Variants in COX16 observed in about 807,000 individuals in gnomAD.
The protein encoded by COX16 is cytochrome c oxidase assembly protein COX16 homolog, mitochondrial.
COX16 carries 12 observed loss-of-function variants against 15.4 expected under a neutral mutation model. The ratio of observed to expected loss-of-function variants is 0.78; its 90% CI spans 0.50 to 1.26. The LOEUF is 1.26. Ranked by LOEUF, COX16 falls within the 50% of genes most tolerant of loss-of-function variation. The probability of loss-of-function intolerance (pLI) is 0.00; values close to 1 mark genes in which losing one functional copy is unlikely to be tolerated. For synonymous variants in COX16, 46 were observed against 41.1 expected, an observed-to-expected ratio of 1.12 and a Z score of -0.46; for missense variants, 124 against 127.6, an observed-to-expected ratio of 0.97 and a Z score of 0.14.
chr14:70,327,397 G>A (rs1176404221), intron 3 of COX16, among the ~76,000 whole-genome samples: 3 of 152,082 alleles, frequency 2.0e-5, no homozygotes, highest in South Asian at 4.1e-4. Flanking sequence ...AGAAGAACTA[G>A]AAGGAAAATC....
chr14:70,337,986 CTGAT>C (rs1470204300), intron 2 of COX16, among the ~76,000 whole-genome samples: 13 of 152,188 alleles, frequency 8.5e-5, no homozygotes, highest in Admixed American at 7.2e-4. Flanking sequence ...TAACACACAT[CTGAT>C]TGGTATCCCA....
intron 2 of COX16, among the ~76,000 whole-genome samples, chr14:70,341,447 A>G (rs1337417692): frequency 6.6e-6 from 1 of 152,218 alleles, no homozygotes; most frequent in Non-Finnish European, 1.5e-5. Context: ...TACTTGAGAA[A>G]AAAACTACAA....
chr14:70,330,819 CTA>C (rs1455167324), intron 2 of COX16, among the ~76,000 whole-genome samples: 1 of 152,040 alleles, frequency 6.6e-6, no homozygotes, highest in Admixed American at 6.5e-5. Context: ...AATTTCTTAT[CTA>C]TTAAGAGAAT....
At chr14:70,349,964 C>T (rs1383485331) in intron 1 of COX16, among the ~76,000 whole-genome samples, 4 of 152,130 alleles carry the variant, frequency 2.6e-5, no homozygotes, top group Admixed American at 2.0e-4. Context: ...GACACCAGCC[C>T]GTCTCTCAAG....
chr14:70,349,745 G>A (rs964557654), intron 1 of COX16, among the ~76,000 whole-genome samples: 1 of 152,134 alleles, frequency 6.6e-6, no homozygotes, highest in Non-Finnish European at 1.5e-5. Flanking sequence ...CTGAACTTTT[G>A]TCTTGGGGCC....
chr14:70,339,826 C>T (rs576641176), intron 2 of COX16, among the ~76,000 whole-genome samples: 11 of 152,248 alleles, frequency 7.2e-5, no homozygotes, highest in Non-Finnish European at 1.0e-4. Flanking sequence ...TGTCATAAGC[C>T]TTGTCTTCTG....
chr14:70,336,206 A>G (rs1314989955), intron 2 of COX16, among the ~76,000 whole-genome samples: 2 of 152,210 alleles, frequency 1.3e-5, no homozygotes, highest in African/African-American at 2.4e-5. Flanking sequence ...CAGTGAGCCA[A>G]GATTGCACCA....
Position 70,357,165 on chromosome 14 carries a change from A to C in COX16, c.69+2354T>G, listed in dbSNP as rs1348516622. Among the ~76,000 whole-genome samples the C allele has an allele frequency of 3.7e-4, 53 of 141,810 alleles. 1 individual carries two copies. Among genetic ancestry groups the C allele is most frequent in the African/African-American group, 1.2e-3 (44 of 37,286 alleles). 93.0% of individuals were successfully genotyped at this position (141,810 alleles called of 152,430 possible). On this transcript the variant is annotated intron_variant, in intron 1 of 3. Coordinates refer to ENST00000389912, the MANE Select transcript of COX16 (RefSeq NM_016468.7). ...CTCCTAGGAAGCGTTTGTCAAAAAA[A>C]AAAAAAAAAAAAAAAAAAAAAAAAA... is the stretch of plus-strand genomic sequence containing the variant.
At chr14:70,337,147 A>T (rs370612545) in intron 2 of COX16, among the ~76,000 whole-genome samples, 167 of 152,286 alleles carry the variant, frequency 1.1e-3, no homozygotes, top group African/African-American at 3.8e-3. Context: ...AAAACATGCA[A>T]CAGTTTTGAA....
At chr14:70,350,722 AT>A (rs2140743177) in intron 1 of COX16, among the ~76,000 whole-genome samples, 1 of 152,306 alleles carries the variant, frequency 6.6e-6, no homozygotes, top group Admixed American at 6.5e-5. Flanking sequence ...TTCTCCTATC[AT>A]TTTCCCCTAA....
At chr14:70,332,492 A>AG (rs903960983) in intron 2 of COX16, among the ~76,000 whole-genome samples, 1 of 152,036 alleles carries the variant, frequency 6.6e-6, no homozygotes, top group African/African-American at 2.4e-5. Context: ...AGCAGATCCC[A>AG]GGGGGGCCCA....
chr14:70,350,683 AATTTTAATGTTTAAT>A (rs1886928724), intron 1 of COX16, among the ~76,000 whole-genome samples: 2 of 152,376 alleles, frequency 1.3e-5, no homozygotes, highest in East Asian at 1.9e-4. Flanking sequence ...GTAGAATAAC[AATTTTAATGTTTAAT>A]ATTTTACTTT....
At chr14:70,351,572 ATAAT>A (rs1174689233) in intron 1 of COX16, among the ~76,000 whole-genome samples, 6 of 152,174 alleles carry the variant, frequency 3.9e-5, no homozygotes, top group East Asian at 3.8e-4. Flanking sequence ...ACTAAATTCT[ATAAT>A]TAAGCCTTTT....
chr14:70,334,199 A>T (rs1392012192), intron 2 of COX16, among the ~76,000 whole-genome samples: 3 of 152,182 alleles, frequency 2.0e-5, no homozygotes, highest in Non-Finnish European at 4.4e-5. Flanking sequence ...TAGTAACTGC[A>T]ACAATTTGCT....
At chr14:70,342,808 AAAC>A (rs1566601952) in intron 1 of COX16, 79 bp from the exon 2 acceptor site, 2 of 1,487,942 alleles carry the variant, frequency 1.3e-6, no homozygotes, top group African/African-American at 1.4e-5. Flanking sequence ...TTGCTTTTCT[AAAC>A]AACAATAGAG....
chr14:70,330,113 A>G (rs1261526384), intron 2 of COX16, among the ~76,000 whole-genome samples: 1 of 152,162 alleles, frequency 6.6e-6, no homozygotes, highest in Non-Finnish European at 1.5e-5. Context: ...AGAAATAAGC[A>G]CAACAAAACA....
chr14:70,359,575 CG>C lies in COX16; in HGVS notation c.12del (p.Ala5ArgfsTer2). 6.2e-7 allele frequency: 1 copy of C among 1,614,070 alleles called. No individual in the cohort carries two copies. The highest frequency in any genetic ancestry group is 8.5e-7 in the Non-Finnish European group (1 of 1,179,964). On this transcript the variant is annotated frameshift_variant, in exon 1 of 4. Transcript: ENST00000389912. LOFTEE classifies it high-confidence loss of function. ...TTCTTGCGAAAAGCACGCATCACCG[CG>C]GGTGCAAACATGAGTGAACTCTTCC... Reference protein sequence around the residue: MFAPAVMRAFRKNK... With the variant: MFAXAVMRAFRKNK...
At chr14:70,340,351 T>C (rs1238047106) in intron 2 of COX16, among the ~76,000 whole-genome samples, 1 of 152,216 alleles carries the variant, frequency 6.6e-6, no homozygotes, top group Non-Finnish European at 1.5e-5. Flanking sequence ...TTAAACCTCT[T>C]TTCTGTATAA....
rs1212127987 is a variant in COX16, at chr14:70,358,374, T to TA, written c.69+1144_69+1145insT. Among the ~76,000 whole-genome samples, 21 of 117,126 alleles carry TA rather than the reference T, an allele frequency of 1.8e-4. No individual in the cohort carries two copies. The East Asian group carries it at 2.1e-3, about 12-fold the overall frequency. 76.8% of individuals were successfully genotyped at this position (117,126 alleles called of 152,430 possible). ...ATCGAATTTGCTAAAAACAACAATT[T>TA]TTTTTTTTTTTTTTTTTTTTGGAGA... On this transcript the variant is annotated intron_variant, in intron 1 of 3. Transcript: ENST00000389912.
Sources: allele counts gnomAD v4.1 joint callset (sites outside exome capture counted in the v4.1 genomes callset), GRCh38; gene constraint gnomAD v4.1.1; transcripts MANE v1.5; gene names NCBI Gene and HGNC (gene_info 2026-07-23, HGNC 2026-07-21).